FER: variants seen among roughly 807,000 people sequenced by gnomAD.
FER encodes tyrosine-protein kinase Fer.
FER carries 63 observed loss-of-function variants against 111.0 expected under a neutral mutation model. The observed-to-expected ratio is 0.57, with a 90% confidence interval of 0.46 to 0.70. The LOEUF (loss-of-function observed/expected upper bound fraction) is 0.70. Among genes scored for constraint, FER ranks in the 30% least tolerant of loss-of-function variants. FER has a pLI of 0.00. For synonymous variants in FER, 327 were observed against 313.9 expected, an observed-to-expected ratio of 1.04 and a Z score of -0.44; for missense variants, 914 against 954.0, an observed-to-expected ratio of 0.96 and a Z score of 0.55.
chr5:108,802,065 TG>T (rs1756718937), intron 3 of FER, among the ~76,000 whole-genome samples: 1 of 152,114 alleles, frequency 6.6e-6, no homozygotes, highest in African/African-American at 2.4e-5. Flanking sequence ...TGTTTATTTC[TG>T]GAATTTTCCA....
intron 2 of FER, among the ~76,000 whole-genome samples, chr5:108,778,137 T>G (rs1478557533): frequency 2.0e-5 from 3 of 152,244 alleles, no homozygotes; most frequent in Non-Finnish European, 4.4e-5. Context: ...GATAGTTCAG[T>G]TCTTTTTAGT....
intron 13 of FER, among the ~76,000 whole-genome samples, chr5:108,966,917 A>G (rs1209728945): frequency 6.6e-6 from 1 of 152,168 alleles, no homozygotes; most frequent in Non-Finnish European, 1.5e-5. Flanking sequence ...AACAAAAACA[A>G]CAAAAATTGG....
At chr5:108,883,095 C>T (rs1306750226) in intron 8 of FER, among the ~76,000 whole-genome samples, 1 of 151,870 alleles carries the variant, frequency 6.6e-6, no homozygotes, top group African/African-American at 2.4e-5. Context: ...CTTTTCTTTA[C>T]CTACTTCTCT....
intron 13 of FER, among the ~76,000 whole-genome samples, chr5:108,996,998 C>G (rs11959492): frequency 0.11 from 17,223 of 151,996 alleles, 1,084 homozygotes; most frequent in Middle Eastern, 0.16. Flanking sequence ...AGTTGGATTC[C>G]TAGGTATTTT....
chr5:108,921,444 C>A (rs1753004876), intron 10 of FER, among the ~76,000 whole-genome samples: 1 of 152,120 alleles, frequency 6.6e-6, no homozygotes, highest in Non-Finnish European at 1.5e-5. Context: ...ATGTTTACTA[C>A]TATTTCCTCT....
At chr5:108,767,590 T>C (rs1240818075) in intron 1 of FER, among the ~76,000 whole-genome samples, 1 of 152,146 alleles carries the variant, frequency 6.6e-6, no homozygotes, top group South Asian at 2.1e-4. Flanking sequence ...GCTCAAGCAG[T>C]CTTCCTACCT....
intron 17 of FER, among the ~76,000 whole-genome samples, chr5:109,107,690 A>G (rs10043497): frequency 0.054 from 8,166 of 152,218 alleles, 263 homozygotes; most frequent in South Asian, 0.086. Flanking sequence ...TCTTGAAACT[A>G]GTAACCGGGA....
rs1204659594 is a variant in FER at position 109,195,178 on chromosome 5, G to T, written c.*7603G>T. 1.3e-5 allele frequency: 2 copies of T among 152,164 alleles called. No homozygotes were observed. Among genetic ancestry groups the T allele is most frequent in the African/African-American group, 2.4e-5 (1 of 41,428 alleles). 9.4% of individuals were successfully genotyped at this position (152,164 alleles called of 1,614,324 possible). Reference sequence around the variant, plus strand: ...TGCCAGACAGTTGGAAGCAAATGCCGAGGGAAAGGTGCCCAGAGCCATGCT... The same window carrying T: ...TGCCAGACAGTTGGAAGCAAATGCCTAGGGAAAGGTGCCCAGAGCCATGCT... On this transcript the variant is annotated 3_prime_UTR_variant, in exon 20 of 20. Coordinates refer to ENST00000281092, the MANE Select transcript of FER (RefSeq NM_005246.4).
chr5:109,054,497 G>A (rs1319889044), intron 16 of FER, among the ~76,000 whole-genome samples: 1 of 152,114 alleles, frequency 6.6e-6, no homozygotes, highest in Non-Finnish European at 1.5e-5. Context: ...TTAAGTCTTG[G>A]TTCTTTACAT....
chr5:109,055,473 G>C (rs1382860527), intron 16 of FER, among the ~76,000 whole-genome samples: 1 of 152,066 alleles, frequency 6.6e-6, no homozygotes, highest in Non-Finnish European at 1.5e-5. Flanking sequence ...TAGTAGAAAA[G>C]CAAATAACTC....
At chr5:108,888,230 TA>T (rs1747470596) in intron 9 of FER, among the ~76,000 whole-genome samples, 1 of 151,778 alleles carries the variant, frequency 6.6e-6, no homozygotes, top group African/African-American at 2.4e-5. Flanking sequence ...TTATGTGATT[TA>T]AAAAAAATGT....
At chr5:108,954,661 A>G (rs1020382730) in intron 11 of FER, 68 bp from the exon 12 acceptor site, 30 of 1,206,738 alleles carry the variant, frequency 2.5e-5, no homozygotes, top group African/African-American at 3.1e-5. Flanking sequence ...TATAGTTGCT[A>G]TGAATTTTAT....
At chr5:108,757,308 C>T (rs1399930732) in intron 1 of FER, among the ~76,000 whole-genome samples, 1 of 152,106 alleles carries the variant, frequency 6.6e-6, no homozygotes, top group African/African-American at 2.4e-5. Flanking sequence ...CTATATCTTG[C>T]TTTGGCTTTG....
At chr5:108,791,469 T>G (rs1225578663) in intron 2 of FER, among the ~76,000 whole-genome samples, 1 of 151,550 alleles carries the variant, frequency 6.6e-6, no homozygotes, top group Non-Finnish European at 1.5e-5. Context: ...GTCCATTTTT[T>G]TGTTCGTTTT....
intron 9 of FER, among the ~76,000 whole-genome samples, chr5:108,886,160 G>A (rs1010877052): frequency 6.6e-6 from 1 of 151,534 alleles, no homozygotes; most frequent in Admixed American, 6.6e-5. Flanking sequence ...GATCTTTAAG[G>A]GCTCCCTAAT....
intron 12 of FER, among the ~76,000 whole-genome samples, chr5:108,955,154 A>T (rs535247211): frequency 1.3e-5 from 2 of 151,996 alleles, no homozygotes; most frequent in African/African-American, 4.8e-5. Flanking sequence ...AATAATGTTT[A>T]TAAAATCAAA....
chr5:108,959,935 G>A (rs982646956), intron 13 of FER, among the ~76,000 whole-genome samples: 5 of 152,020 alleles, frequency 3.3e-5, no homozygotes, highest in African/African-American at 9.7e-5. Flanking sequence ...TAAAGTATGG[G>A]TATGTGGAAG....
At chr5:109,006,902 A>G (rs538108126) in intron 13 of FER, among the ~76,000 whole-genome samples, 5 of 152,298 alleles carry the variant, frequency 3.3e-5, no homozygotes, top group South Asian at 4.1e-4. Flanking sequence ...TAAGAGCACA[A>G]TTCTGGAGGA....
chr5:108,850,092 G>A (rs1191518005), intron 5 of FER, among the ~76,000 whole-genome samples: 1 of 151,910 alleles, frequency 6.6e-6, no homozygotes, highest in Non-Finnish European at 1.5e-5. Context: ...CCACTTGGGA[G>A]GCTGAGGCAG....
Sources: allele counts gnomAD v4.1 joint callset (sites outside exome capture counted in the v4.1 genomes callset), GRCh38; gene constraint gnomAD v4.1.1; transcripts MANE v1.5; gene names NCBI Gene and HGNC (gene_info 2026-07-23, HGNC 2026-07-21).